Variants in MED12L observed in about 807,000 individuals in gnomAD.
The protein encoded by MED12L is mediator complex subunit 12L.
In MED12L, 60 loss-of-function variants were observed where a neutral mutation model predicts 281.3. The ratio of observed to expected loss-of-function variants is 0.21; its 90% confidence interval spans 0.17 to 0.26. MED12L has a LOEUF of 0.26. Ranked by LOEUF, MED12L falls within the 10% of genes least tolerant of loss-of-function variation. The pLI is 1.00. For synonymous variants in MED12L, 974 were observed against 987.2 expected, an observed-to-expected ratio of 0.99 and a Z score of 0.25; for missense variants, 2,146 against 2,680.9, an observed-to-expected ratio of 0.80 and a Z score of 4.41.
At chr3:151,226,390 T>A (rs1352661960) in intron 16 of MED12L, among the ~76,000 whole-genome samples, 1 of 152,192 alleles carries the variant, frequency 6.6e-6, no homozygotes, top group Non-Finnish European at 1.5e-5. Context: ...AGTAAACGTT[T>A]ACGTTACAAA....
chr3:151,375,133 A>G (rs905960121), intron 27 of MED12L, among the ~76,000 whole-genome samples: 9 of 152,232 alleles, frequency 5.9e-5, no homozygotes, highest in African/African-American at 2.2e-4. Context: ...GGCATTTAAA[A>G]CAATTTGGAT....
intron 11 of MED12L, among the ~76,000 whole-genome samples, chr3:151,184,440 G>C (rs1024200571): frequency 6.6e-6 from 1 of 152,126 alleles, no homozygotes; most frequent in Non-Finnish European, 1.5e-5. Flanking sequence ...CTAATGCTGC[G>C]ATTATCTAGT....
chr3:151,315,439 A>C (rs1242739438), intron 16 of MED12L, among the ~76,000 whole-genome samples: 5 of 152,216 alleles, frequency 3.3e-5, no homozygotes, highest in African/African-American at 1.2e-4. Context: ...TCATGAAATA[A>C]AGATTTTCTG....
intron 11 of MED12L, among the ~76,000 whole-genome samples, chr3:151,177,412 T>C (rs1176881225): frequency 6.6e-6 from 1 of 152,248 alleles, no homozygotes; most frequent in African/African-American, 2.4e-5. Flanking sequence ...TTAACTTCTT[T>C]GAACCTCAGT....
chr3:151,295,640 A>G (rs1744980787), intron 16 of MED12L, among the ~76,000 whole-genome samples: 2 of 152,158 alleles, frequency 1.3e-5, no homozygotes. Context: ...CTCTTTGAAT[A>G]TATCTTCCCT....
chr3:151,113,703 G>T (rs994137758), intron 2 of MED12L, among the ~76,000 whole-genome samples: 2 of 152,194 alleles, frequency 1.3e-5, no homozygotes, highest in African/African-American at 4.8e-5. Context: ...GTGGCTCCTA[G>T]TTTGAGGAAA....
At chr3:151,105,816 T>A (rs1721944454) in intron 2 of MED12L, among the ~76,000 whole-genome samples, 1 of 152,168 alleles carries the variant, frequency 6.6e-6, no homozygotes, top group Non-Finnish European at 1.5e-5. Flanking sequence ...AGAAACATTT[T>A]CTCTGTGTGT....
At chr3:151,222,071 A>G (rs1350988225) in intron 16 of MED12L, among the ~76,000 whole-genome samples, 1 of 152,154 alleles carries the variant, frequency 6.6e-6, no homozygotes, top group Non-Finnish European at 1.5e-5. Flanking sequence ...GAAGTTTACG[A>G]TTTGACTGTC....
At chr3:151,261,757 C>T (rs1452267183) in intron 16 of MED12L, among the ~76,000 whole-genome samples, 1 of 151,738 alleles carries the variant, frequency 6.6e-6, no homozygotes, top group Admixed American at 6.6e-5. Flanking sequence ...CAGAGTCTTG[C>T]TGTGTCATCC....
chr3:151,303,786 C>A (rs28724295), intron 16 of MED12L, among the ~76,000 whole-genome samples: 1 of 151,118 alleles, frequency 6.6e-6, no homozygotes, highest in African/African-American at 2.4e-5. Context: ...AAACAAAAAA[C>A]CCAAAACCAC....
At chr3:151,184,522 G>A (rs1417066220) in intron 11 of MED12L, among the ~76,000 whole-genome samples, 1 of 152,100 alleles carries the variant, frequency 6.6e-6, no homozygotes, top group Non-Finnish European at 1.5e-5. Context: ...TGGTTGGCGT[G>A]GACCCTCTAA....
rs182900620 is a variant in MED12L at position 151,277,339 on chromosome 3, T to A, written c.2251-72720T>A. Among the ~76,000 whole-genome samples the A allele has an allele frequency of 2.6e-5, 4 of 152,334 alleles. No individual in the cohort carries two copies. The East Asian group carries it at 7.7e-4, about 29-fold the overall frequency. On this transcript the variant is annotated intron_variant, in intron 16 of 44. Coordinates refer to ENST00000687756, the MANE Select transcript of MED12L (RefSeq NM_001393769.1). ...AATTTTACCGAAATATAAAATTCAT[T>A]GCATGTTTACAAATCATAAAATATG...
At chr3:151,110,212 A>T (rs140283710) in intron 2 of MED12L, among the ~76,000 whole-genome samples, 1 of 152,024 alleles carries the variant, frequency 6.6e-6, no homozygotes, top group Non-Finnish European at 1.5e-5. Flanking sequence ...TCCTCTTTCT[A>T]TTTTTGCCTG....
At position 151,309,115 on chromosome 3, in the gene MED12L, ACACG is replaced by A. The variant is rs1333890305; in HGVS notation, c.2251-40940_2251-40937del. Among the ~76,000 whole-genome samples, 181 of 110,780 alleles carry A rather than the reference ACACG, an allele frequency of 1.6e-3. 1 individual carries two copies. The East Asian group carries it at 0.017, about 10-fold the overall frequency. The allele number at this position is 110,780 out of a possible 152,430, so 72.7% of individuals were successfully genotyped here. A position where few individuals can be genotyped will look rare whatever the true frequency, so the allele number is the denominator to read the frequency against. ...TCACATATAACTCATTTCATGAAAT[ACACG>A]CACACACACACACACACACACGCAC... is the stretch of plus-strand genomic sequence containing the variant. On this transcript the variant is annotated intron_variant, in intron 16 of 44. Coordinates refer to ENST00000687756, the MANE Select transcript of MED12L (RefSeq NM_001393769.1).
At chr3:151,112,282 C>CTT (rs11330453) in intron 2 of MED12L, among the ~76,000 whole-genome samples, 3 of 133,364 alleles carry the variant, frequency 2.2e-5, no homozygotes, top group Admixed American at 7.4e-5. Context: ...ATTTCTTTTT[C>CTT]TTTTTTTTTT....
intron 16 of MED12L, among the ~76,000 whole-genome samples, chr3:151,314,274 A>G (rs1022147951): frequency 6.6e-6 from 1 of 152,218 alleles, no homozygotes; most frequent in African/African-American, 2.4e-5. Context: ...AAAATATGTT[A>G]ATTAGGTACA....
chr3:151,327,402 T>C (rs545993682), intron 16 of MED12L: 14 of 152,262 alleles, frequency 9.2e-5, no homozygotes, highest in African/African-American at 3.1e-4. Flanking sequence ...CCTCCTATGG[T>C]ATATTATTGT....
intron 16 of MED12L, among the ~76,000 whole-genome samples, chr3:151,323,012 GTGA>G (rs1749169959): frequency 6.6e-6 from 1 of 152,268 alleles, no homozygotes; most frequent in Admixed American, 6.5e-5. Flanking sequence ...ATCCACTTCT[GTGA>G]TGATGACCTA....
intron 16 of MED12L, among the ~76,000 whole-genome samples, chr3:151,239,974 GTTGT>G (rs1197061591): frequency 4.7e-4 from 72 of 151,812 alleles, no homozygotes; most frequent in South Asian, 1.5e-3. Context: ...CATTTTTAAG[GTTGT>G]TTATCTACCC....
Sources: allele counts gnomAD v4.1 joint callset (sites outside exome capture counted in the v4.1 genomes callset), GRCh38; gene constraint gnomAD v4.1.1; transcripts MANE v1.5; gene names NCBI Gene and HGNC (gene_info 2026-07-23, HGNC 2026-07-21).